A2ML1: variants seen among roughly 807,000 people sequenced by gnomAD.
A2ML1 encodes the protein alpha-2-macroglobulin like 1, also known as alpha-2-macroglobulin-like protein 1.
In A2ML1, 161 loss-of-function variants were observed where a neutral mutation model predicts 181.9. That is an observed-to-expected ratio of 0.89 (90% CI 0.78 to 1.01). The LOEUF is 1.01. A2ML1 is among the 50% of genes least tolerant of loss of function. The pLI, the probability that A2ML1 is intolerant of heterozygous loss-of-function variation, is 0.00. For synonymous variants in A2ML1, 663 were observed against 666.8 expected (o/e 0.99, Z 0.09); for missense variants, 1,670 against 1,768.1 (o/e 0.94, Z 1.00).
chr12:8,868,116 C>T, intron 30 of A2ML1, 59 bp downstream of exon 30: 1 of 1,608,164 alleles, frequency 6.2e-7, no homozygotes, highest in Non-Finnish European at 8.5e-7. Flanking sequence ...AGAGCATCTT[C>T]CCCTTAGGCC....
chr12:8,887,001 C>CA (rs955882402), downstream of A2ML1: 4 of 151,636 alleles, frequency 2.6e-5, no homozygotes, highest in Admixed American at 6.6e-5. Flanking sequence ...AATAAATAAA[C>CA]AAAAAAATTT....
chr12:8,843,442 G>A, intron 12 of A2ML1, 81 bp downstream of exon 12: 1 of 1,365,976 alleles, frequency 7.3e-7, no homozygotes, highest in East Asian at 2.5e-5. Context: ...GGTGCACCTA[G>A]GCTATCTGAA....
At chr12:8,869,279 C>A in intron 33 of A2ML1, 76 bp downstream of exon 33, 1 of 1,447,468 alleles carries the variant, frequency 6.9e-7, no homozygotes, top group Non-Finnish European at 9.7e-7. Flanking sequence ...TCTGTATATA[C>A]GGGTGTCACA....
chr12:8,874,747 T>G (rs1944747448), intron 34 of A2ML1, among the ~76,000 whole-genome samples: 1 of 152,216 alleles, frequency 6.6e-6, no homozygotes, highest in South Asian at 2.1e-4. Flanking sequence ...CGGAGAACAA[T>G]GTGAACCATT....
intron 8 of A2ML1, 122 bp from the exon 9 acceptor site, chr12:8,838,214 T>A: frequency 1.6e-6 from 1 of 617,602 alleles, no homozygotes; most frequent in South Asian, 2.7e-5. Flanking sequence ...GGAGAGTTTT[T>A]CTATATTAGA....
chr12:8,832,389 T>C lies in A2ML1; in HGVS notation c.463-2273T>C, dbSNP rs146920532. ...AATTTCTAATCTTGTAGCTAATTTG[T>C]TAGTCCTGCAAAGGCAGACTGGTCC... On this transcript the variant is annotated intron_variant, in intron 4 of 35. Transcript: ENST00000299698. 1.9e-3 allele frequency among the ~76,000 whole-genome samples: 283 copies of C among 152,320 alleles called. 1 individual carries two copies. Among genetic ancestry groups the C allele is most frequent in the African/African-American group, 6.6e-3 (274 of 41,578 alleles).
intron 28 of A2ML1, among the ~76,000 whole-genome samples, chr12:8,861,833 C>T (rs1442468732): frequency 6.6e-6 from 1 of 151,938 alleles, no homozygotes; most frequent in Non-Finnish European, 1.5e-5. Context: ...GATCTCAGCT[C>T]ACTGCAACCT....
chr12:8,857,440 C>G, intron 24 of A2ML1, 67 bp from the exon 25 acceptor site: 1 of 1,607,532 alleles, frequency 6.2e-7, no homozygotes, highest in Non-Finnish European at 8.5e-7. Flanking sequence ...TGTCCCATAT[C>G]CTTGAACGGC....
intron 13 of A2ML1, among the ~76,000 whole-genome samples, chr12:8,845,865 T>TAAATAAATA (rs1555111303): frequency 7.6e-6 from 1 of 131,212 alleles, no homozygotes; most frequent in Non-Finnish European, 1.6e-5. Context: ...AAAAAAAAAA[T>TAAATAAATA]AAATAAAATA....
chr12:8,824,547 T>C (rs1296918866), intron 3 of A2ML1, among the ~76,000 whole-genome samples: 1 of 152,092 alleles, frequency 6.6e-6, no homozygotes, highest in Non-Finnish European at 1.5e-5. Context: ...AAATTATTGT[T>C]GACTGTAGTC....
At chr12:8,883,619 A>C (rs1344784103) in intron 7 of A2ML1, among the ~76,000 whole-genome samples, 3 of 151,618 alleles carry the variant, frequency 2.0e-5, no homozygotes, top group Non-Finnish European at 4.4e-5. Flanking sequence ...CTGGGATTAC[A>C]GGTGCCCACC....
At chr12:8,874,692 G>A (rs1021291186) in intron 34 of A2ML1, among the ~76,000 whole-genome samples, 165 bp downstream of exon 34, 1 of 152,120 alleles carries the variant, frequency 6.6e-6, no homozygotes, top group African/African-American at 2.4e-5. Context: ...TAATTCAGTT[G>A]TGTGCCATTT....
intron 28 of A2ML1, 141 bp downstream of exon 28, chr12:8,861,438 G>T: frequency 9.4e-7 from 1 of 1,068,352 alleles, no homozygotes; most frequent in African/African-American, 1.6e-5. Flanking sequence ...AATTATTGTT[G>T]GGAGGTTTGT....
At chr12:8,857,396 A>C in intron 24 of A2ML1, 56 bp downstream of exon 24, 1 of 1,581,030 alleles carries the variant, frequency 6.3e-7, no homozygotes, top group Non-Finnish European at 8.6e-7. Flanking sequence ...GCCCTATGAC[A>C]GATTGATGAT....
At chr12:8,857,042 G>A (rs1319824100) in intron 23 of A2ML1, 122 bp from the exon 24 acceptor site, 18 of 982,166 alleles carry the variant, frequency 1.8e-5, no homozygotes, top group South Asian at 1.6e-4. Context: ...CACCACGCCC[G>A]GCCCATAGTA....
At position 8,846,923 on chromosome 12, in the gene A2ML1, G is replaced by A. The variant is rs966046898; in HGVS notation, c.1684-626G>A. On this transcript the variant is annotated intron_variant, in intron 14 of 35. Coordinates refer to ENST00000299698, the MANE Select transcript of A2ML1 (RefSeq NM_144670.6). ...GCCCAGGAGTTCAAGGCTGCAGAGCGAGACCCTGTCTATTTTTTTTATTTT... is the reference window on the plus strand; with the variant it reads ...GCCCAGGAGTTCAAGGCTGCAGAGCAAGACCCTGTCTATTTTTTTTATTTT... Among the ~76,000 whole-genome samples the A allele has an allele frequency of 4.6e-5, 7 of 151,780 alleles. No homozygotes were observed. In the East Asian group the frequency reaches 7.7e-4, roughly 17 times the overall value.
intron 14 of A2ML1, 81 bp downstream of exon 14, chr12:8,846,303 C>T (rs1943685089): frequency 5.9e-6 from 9 of 1,513,618 alleles, no homozygotes; most frequent in Non-Finnish European, 7.3e-6. Flanking sequence ...GGAAACAAGA[C>T]AAGTCAGGGA....
intron 4 of A2ML1, among the ~76,000 whole-genome samples, chr12:8,834,041 C>T (rs1190428129): frequency 6.6e-6 from 1 of 151,868 alleles, no homozygotes; most frequent in African/African-American, 2.4e-5. Flanking sequence ...TCTCTGAGCC[C>T]CTCTCCTGCT....
In A2ML1 at chr12:8,861,167, C is replaced by T. The variant is rs1331234461; in HGVS notation, c.3372C>T (p.Leu1124=). 6.2e-7 allele frequency: 1 copy of T among 1,614,036 alleles called. No individual in the cohort carries two copies. Among genetic ancestry groups the T allele is most frequent in the Non-Finnish European group, 8.5e-7 (1 of 1,180,038 alleles). The change falls in exon 28 of 36, where the codon CTC becomes CTT. Residue 1124 remains leucine, a synonymous_variant. Transcript: ENST00000299698. Reference sequence around the variant, plus strand: ...TGGTGAGTCAGGGTCTACGGTGTCTCAAGAATTCGGCCACCTCCACGACCA... The same window carrying T: ...TGGTGAGTCAGGGTCTACGGTGTCTTAAGAATTCGGCCACCTCCACGACCA... ...DPMVSQGLRC[L]KNSATSTTNL...
Sources: gnomAD v4.1 joint callset for allele counts (sites outside exome capture counted in the v4.1 genomes callset) on GRCh38, gnomAD v4.1.1 for gene constraint, MANE v1.5 for transcripts, NCBI Gene and HGNC (gene_info 2026-07-23, HGNC 2026-07-21) for gene names.